MARCO: variants seen among roughly 807,000 people sequenced by gnomAD.
The protein encoded by MARCO is macrophage receptor with collagenous structure.
In MARCO, 72 loss-of-function variants were observed where a neutral mutation model predicts 70.0. The observed-to-expected ratio is 1.03, with a 90% CI of 0.85 to 1.25. The LOEUF (loss-of-function observed/expected upper bound fraction) is 1.25, where lower values mean the gene tolerates loss of function less well. Among genes scored for constraint, MARCO ranks in the 50% most tolerant of loss-of-function variants. The pLI is 0.00. For synonymous variants in MARCO, 273 were observed against 243.1 expected, an observed-to-expected ratio of 1.12 and a Z score of -1.14; for missense variants, 696 against 659.3, an observed-to-expected ratio of 1.06 and a Z score of -0.61.
intron 1 of MARCO, among the ~76,000 whole-genome samples, chr2:118,963,222 C>A (rs543446123): frequency 6.6e-6 from 1 of 151,440 alleles, no homozygotes; most frequent in South Asian, 2.1e-4. Flanking sequence ...TTGGTGTAAG[C>A]AGTTCGTGCT....
At chr2:118,973,924 G>A in intron 4 of MARCO, among the ~76,000 whole-genome samples, 1 of 152,228 alleles carries the variant, frequency 6.6e-6, no homozygotes, top group East Asian at 1.9e-4. Context: ...GAAGAAGACA[G>A]ACAAGGCCCT....
chr2:118,981,017 C>T (rs1680377883), intron 8 of MARCO, among the ~76,000 whole-genome samples: 2 of 152,174 alleles, frequency 1.3e-5, no homozygotes, highest in Non-Finnish European at 2.9e-5. Context: ...CTCAGAGTTG[C>T]TATTCTCAGC....
chr2:118,973,152 T>C (rs1680206571), intron 4 of MARCO, among the ~76,000 whole-genome samples: 1 of 152,038 alleles, frequency 6.6e-6, no homozygotes, highest in Non-Finnish European at 1.5e-5. Context: ...CATGTCTCTC[T>C]CTCTGTCTCT....
chr2:118,951,323 C>G (rs558089357), intron 1 of MARCO, among the ~76,000 whole-genome samples: 6 of 152,330 alleles, frequency 3.9e-5, no homozygotes, highest in African/African-American at 9.6e-5. Context: ...AGGAAACCTA[C>G]TGAGTTAAGG....
chr2:118,976,118 G>A (rs982251975), intron 6 of MARCO, among the ~76,000 whole-genome samples: 2 of 152,168 alleles, frequency 1.3e-5, no homozygotes, highest in Admixed American at 6.5e-5. Flanking sequence ...CCTTCAAGAA[G>A]GAATAGAGCT....
At chr2:118,969,109 C>G (rs775351528) in intron 1 of MARCO, 51 bp from the exon 2 acceptor site, 1 of 1,332,142 alleles carries the variant, frequency 7.5e-7, no homozygotes, top group Admixed American at 1.7e-5. Context: ...GCAGGGACTT[C>G]CTGTGCTGTG....
chr2:118,959,359 A>C (rs910826734), intron 1 of MARCO, among the ~76,000 whole-genome samples: 1 of 152,116 alleles, frequency 6.6e-6, no homozygotes, highest in African/African-American at 2.4e-5. Flanking sequence ...AGATGTACAA[A>C]TGGCCAAGTG....
At chr2:118,978,125 A>C (rs1680321741) in intron 8 of MARCO, among the ~76,000 whole-genome samples, 190 bp downstream of exon 8, 1 of 152,188 alleles carries the variant, frequency 6.6e-6, no homozygotes, top group South Asian at 2.1e-4. Context: ...GAGAGGGAGA[A>C]CAATGTCATT....
chr2:118,992,287 A>G (rs1456870736), intron 14 of MARCO, 145 bp from the exon 15 acceptor site: 1 of 652,644 alleles, frequency 1.5e-6, no homozygotes, highest in African/African-American at 1.8e-5. Flanking sequence ...AGGACATCCC[A>G]TCCCCATAAT....
intron 1 of MARCO, among the ~76,000 whole-genome samples, chr2:118,964,161 C>T (rs1045740367): frequency 5.9e-5 from 9 of 152,120 alleles, no homozygotes; most frequent in African/African-American, 2.2e-4. Flanking sequence ...TGTTCTTTAG[C>T]CTTCTCCACT....
intron 8 of MARCO, among the ~76,000 whole-genome samples, chr2:118,978,702 TA>T (rs1030742328): frequency 1.5e-4 from 23 of 152,280 alleles, no homozygotes; most frequent in Middle Eastern, 3.4e-3. Context: ...GTAATTAAGT[TA>T]AAAAATAATT....
At chr2:118,989,605 C>T (rs1339682737) in intron 12 of MARCO, among the ~76,000 whole-genome samples, 2 of 152,168 alleles carry the variant, frequency 1.3e-5, no homozygotes, top group Admixed American at 1.3e-4. Flanking sequence ...CTGACCAGCA[C>T]ACTGCAGGTG....
chr2:118,982,610 A>G (rs1462545765), intron 12 of MARCO, among the ~76,000 whole-genome samples, 200 bp downstream of exon 12: 1 of 152,190 alleles, frequency 6.6e-6, no homozygotes, highest in Non-Finnish European at 1.5e-5. Flanking sequence ...TTCTCTTCTC[A>G]GAGCTCATGA....
chr2:118,957,394 A>T (rs374907742), intron 1 of MARCO, among the ~76,000 whole-genome samples: 6 of 152,218 alleles, frequency 3.9e-5, no homozygotes, highest in African/African-American at 1.4e-4. Flanking sequence ...CCTAGAAGAG[A>T]TGGATAAATT....
chr2:118,990,563 C>T (rs200424222), intron 12 of MARCO, 26 bp from the exon 13 acceptor site: 7 of 1,528,866 alleles, frequency 4.6e-6, no homozygotes, highest in East Asian at 4.5e-5. Context: ...ATCTCCTCCC[C>T]CCCCCCTTTT....
At chr2:118,992,668 C>T (rs999979432) in intron 15 of MARCO, among the ~76,000 whole-genome samples, 192 bp downstream of exon 15, 3 of 151,420 alleles carry the variant, frequency 2.0e-5, no homozygotes, top group Admixed American at 2.0e-4. Flanking sequence ...CCACTCTCTC[C>T]CTTCCTTCCT....
At chr2:118,945,082 G>C (rs921962860) in intron 1 of MARCO, among the ~76,000 whole-genome samples, 1 of 152,148 alleles carries the variant, frequency 6.6e-6, no homozygotes, top group African/African-American at 2.4e-5. Context: ...GAGGGGACTT[G>C]ACATAGGGTT....
intron 16 of MARCO, among the ~76,000 whole-genome samples, chr2:118,993,536 C>T (rs1027555311): frequency 1.3e-4 from 20 of 152,338 alleles, no homozygotes; most frequent in African/African-American, 4.6e-4. Flanking sequence ...GGCCTGGCTT[C>T]GGTCAAGGTC....
intron 3 of MARCO, among the ~76,000 whole-genome samples, chr2:118,971,101 G>A (rs770185282): frequency 1.6e-4 from 24 of 152,222 alleles, no homozygotes; most frequent in Non-Finnish European, 2.2e-4. Context: ...GGCGATAGCT[G>A]TGGGCAGATG....
Sources: gnomAD v4.1 joint callset for allele counts (sites outside exome capture counted in the v4.1 genomes callset) on GRCh38, gnomAD v4.1.1 for gene constraint, MANE v1.5 for transcripts, NCBI Gene and HGNC (gene_info 2026-07-23, HGNC 2026-07-21) for gene names.